Variants in LYPLAL1 observed in about 807,000 individuals in gnomAD.
LYPLAL1 encodes lysophospholipase like 1.
Under a neutral mutation model 19.7 loss-of-function variants are expected in LYPLAL1, and 23 were observed. That is an observed-to-expected ratio of 1.17 (90% confidence interval 0.84 to 1.65). The LOEUF (loss-of-function observed/expected upper bound fraction) is 1.65, where lower values mean the gene tolerates loss of function less well. Ranked by LOEUF, LYPLAL1 falls within the 40% of genes most tolerant of loss-of-function variation. LYPLAL1 has a pLI of 0.00. For synonymous variants in LYPLAL1, 119 were observed against 96.3 expected, an observed-to-expected ratio of 1.24 and a Z score of -1.38; for missense variants, 355 against 279.4, an observed-to-expected ratio of 1.27 and a Z score of -1.93.
chr1:219,261,424 G>T, the LYPLAL1 span, among the ~76,000 whole-genome samples: 1 of 152,124 alleles, frequency 6.6e-6, no homozygotes, highest in South Asian at 2.1e-4. Flanking sequence ...ATAGTCAGTT[G>T]TCTTCATTTC....
At chr1:219,315,225 C>T in the LYPLAL1 span, among the ~76,000 whole-genome samples, 52,280 of 151,968 alleles carry the variant, frequency 0.34, 9,877 homozygotes, top group East Asian at 0.81. Context: ...ATCGTTAAGA[C>T]GATGTGCAAA....
chr1:219,434,826 G>T, the LYPLAL1 span, among the ~76,000 whole-genome samples: 2 of 151,954 alleles, frequency 1.3e-5, no homozygotes, highest in South Asian at 4.1e-4. Context: ...TTGCAATCAA[G>T]AAATAATCAG....
chr1:219,320,885 G>A, the LYPLAL1 span, among the ~76,000 whole-genome samples: 2 of 152,144 alleles, frequency 1.3e-5, no homozygotes, highest in Admixed American at 1.3e-4. Flanking sequence ...ATTGTGAATA[G>A]TGCCGCAATA....
At chr1:219,311,629 C>T in the LYPLAL1 span, among the ~76,000 whole-genome samples, 1 of 151,504 alleles carries the variant, frequency 6.6e-6, no homozygotes, top group Non-Finnish European at 1.5e-5. Context: ...TAGTAGTTCC[C>T]TAATACAGAT....
chr1:219,175,723 T>C (rs1038382513), intron 1 of LYPLAL1, among the ~76,000 whole-genome samples: 1 of 152,082 alleles, frequency 6.6e-6, no homozygotes, highest in African/African-American at 2.4e-5. Flanking sequence ...TAAAACCTTA[T>C]TGGGAGTAGG....
the LYPLAL1 span, among the ~76,000 whole-genome samples, chr1:219,325,449 C>T: frequency 6.6e-6 from 1 of 152,116 alleles, no homozygotes. Flanking sequence ...TGGCACCGTC[C>T]CTTTCTTGAC....
the LYPLAL1 span, among the ~76,000 whole-genome samples, chr1:219,377,450 T>A: frequency 6.6e-6 from 1 of 152,312 alleles, no homozygotes; most frequent in South Asian, 2.1e-4. Flanking sequence ...GTATTTAATG[T>A]CACTGAACTA....
the LYPLAL1 span, among the ~76,000 whole-genome samples, chr1:219,223,872 TG>T: frequency 3.9e-5 from 6 of 152,306 alleles, 1 homozygote; most frequent in Middle Eastern, 3.4e-3. Flanking sequence ...TATTTTGTTT[TG>T]TTTTTTTCTT....
At chr1:219,398,853 C>T in the LYPLAL1 span, among the ~76,000 whole-genome samples, 2 of 152,314 alleles carry the variant, frequency 1.3e-5, no homozygotes, top group East Asian at 1.9e-4. Flanking sequence ...ACTGCATGCT[C>T]TAACTCTGGA....
the LYPLAL1 span, among the ~76,000 whole-genome samples, chr1:219,244,773 C>G: frequency 6.6e-6 from 1 of 151,982 alleles, no homozygotes; most frequent in East Asian, 1.9e-4. Context: ...TGGTGAGACC[C>G]TATCGCTACT....
chr1:219,400,485 ATCTG>A, the LYPLAL1 span, among the ~76,000 whole-genome samples: 1 of 146,088 alleles, frequency 6.8e-6, no homozygotes, highest in African/African-American at 2.5e-5. Context: ...CTATCTATCT[ATCTG>A]TCTATCTATC....
the LYPLAL1 span, among the ~76,000 whole-genome samples, chr1:219,298,986 A>G: frequency 6.6e-6 from 1 of 152,234 alleles, no homozygotes; most frequent in Non-Finnish European, 1.5e-5. Flanking sequence ...TCGTTGAGAA[A>G]TTCCAGATAA....
the LYPLAL1 span, among the ~76,000 whole-genome samples, chr1:219,394,527 T>G: frequency 6.6e-6 from 1 of 152,190 alleles, no homozygotes; most frequent in African/African-American, 2.4e-5. Flanking sequence ...CCATTCTACT[T>G]TCTGTCTCTG....
At chr1:219,293,730 A>G in the LYPLAL1 span, among the ~76,000 whole-genome samples, 2 of 152,218 alleles carry the variant, frequency 1.3e-5, no homozygotes, top group Non-Finnish European at 2.9e-5. Flanking sequence ...ACATGTGCGT[A>G]TATTAAAAAA....
the LYPLAL1 span, among the ~76,000 whole-genome samples, chr1:219,419,588 C>G: frequency 0.05 from 3,782 of 75,432 alleles, 138 homozygotes; most frequent in African/African-American, 0.12. Flanking sequence ...CACACACACA[C>G]ACACACAGAG....
chr1:219,224,703 T>G, the LYPLAL1 span, among the ~76,000 whole-genome samples: 1 of 152,200 alleles, frequency 6.6e-6, no homozygotes, highest in Non-Finnish European at 1.5e-5. Flanking sequence ...GTAGACATTT[T>G]AATATTCATG....
chr1:219,374,250 C>T, the LYPLAL1 span, among the ~76,000 whole-genome samples: 33 of 151,386 alleles, frequency 2.2e-4, no homozygotes, highest in African/African-American at 5.3e-4. Flanking sequence ...TGGCAGAGAA[C>T]GGCTGAATCT....
the LYPLAL1 span, among the ~76,000 whole-genome samples, chr1:219,397,895 T>C: frequency 3.9e-5 from 6 of 152,338 alleles, no homozygotes; most frequent in South Asian, 2.1e-4. Flanking sequence ...CTCTTCTGAC[T>C]TGTAAGGTTT....
At chr1:219,203,157 T>A (rs927526205) in intron 3 of LYPLAL1, among the ~76,000 whole-genome samples, 8 of 152,202 alleles carry the variant, frequency 5.3e-5, no homozygotes, top group Admixed American at 5.2e-4. Flanking sequence ...TGGGACCCAA[T>A]CTCTGAGAGT....
Sources: gnomAD v4.1 joint callset for allele counts (sites outside exome capture counted in the v4.1 genomes callset) on GRCh38, gnomAD v4.1.1 for gene constraint, MANE v1.5 for transcripts, NCBI Gene and HGNC (gene_info 2026-07-23, HGNC 2026-07-21) for gene names.